The following WASHC5 variants were observed in gnomAD, a reference collection of about 807,000 sequenced individuals.
WASHC5 encodes the protein WASH complex subunit 5, also known as WASH complex subunit strumpellin.
WASHC5 carries 101 observed loss-of-function variants against 150.4 expected under a neutral mutation model. The ratio of observed to expected loss-of-function variants is 0.67; its 90% confidence interval spans 0.57 to 0.79. The LOEUF is 0.79. Among genes scored for constraint, WASHC5 ranks in the 30% least tolerant of loss-of-function variants. WASHC5 has a pLI of 0.00. For missense variants in WASHC5, 1,195 were observed against 1,396.3 expected, an observed-to-expected ratio of 0.86 and a Z score of 2.30; for synonymous variants, 467 against 491.2, an observed-to-expected ratio of 0.95 and a Z score of 0.65.
intron 9 of WASHC5, among the ~76,000 whole-genome samples, chr8:125,071,666 A>T (rs1195679566): frequency 6.6e-6 from 1 of 152,140 alleles, no homozygotes; most frequent in East Asian, 1.9e-4. Flanking sequence ...TCTGAACTCA[A>T]ATCACACCAA....
chr8:125,079,135 T>TATATATATATACAC (rs35442808), intron 5 of WASHC5, among the ~76,000 whole-genome samples: 2 of 117,486 alleles, frequency 1.7e-5, no homozygotes, highest in East Asian at 2.5e-4. Flanking sequence ...TATATATATA[T>TATATATATATACAC]ATATACATTT....
At chr8:125,082,652 A>T (rs1332347841) in intron 3 of WASHC5, among the ~76,000 whole-genome samples, 185 bp from the exon 4 acceptor site, 1 of 152,194 alleles carries the variant, frequency 6.6e-6, no homozygotes, top group African/African-American at 2.4e-5. Flanking sequence ...TTTGATATTT[A>T]TCGCTGTTCC....
intron 23 of WASHC5, among the ~76,000 whole-genome samples, chr8:125,042,636 C>T (rs1313682461): frequency 2.6e-5 from 4 of 152,188 alleles, no homozygotes; most frequent in Non-Finnish European, 5.9e-5. Context: ...GGAAGAATCC[C>T]TGTAATCCCC....
At chr8:125,047,420 G>A in intron 19 of WASHC5, 89 bp from the exon 20 acceptor site, 1 of 1,315,590 alleles carries the variant, frequency 7.6e-7, no homozygotes, top group Non-Finnish European at 1.1e-6. Context: ...AGATAATATT[G>A]CATAAAGAGT....
chr8:125,059,961 AAAC>A (rs1816542345), intron 12 of WASHC5, among the ~76,000 whole-genome samples: 2 of 152,228 alleles, frequency 1.3e-5, no homozygotes, highest in African/African-American at 4.8e-5. Context: ...AAAAAAATCC[AAAC>A]AAGCAAAGTA....
chr8:125,072,990 A>C (rs953853417), intron 9 of WASHC5, among the ~76,000 whole-genome samples, 163 bp downstream of exon 9: 1 of 152,214 alleles, frequency 6.6e-6, no homozygotes, highest in Non-Finnish European at 1.5e-5. Context: ...CAGGTATGCT[A>C]GTGGCCTATC....
chr8:125,036,394 G>T (rs1815706207), intron 26 of WASHC5, among the ~76,000 whole-genome samples: 1 of 152,224 alleles, frequency 6.6e-6, no homozygotes, highest in South Asian at 2.1e-4. Flanking sequence ...GTCTAGGGCT[G>T]GGCACAATGG....
At chr8:125,040,021 T>G in intron 23 of WASHC5, 123 bp from the exon 24 acceptor site, 1 of 714,818 alleles carries the variant, frequency 1.4e-6, no homozygotes, top group Admixed American at 2.0e-5. Flanking sequence ...GGAAAAAAAA[T>G]AAGGATTTCC....
chr8:125,067,720 C>T lies in WASHC5; in HGVS notation c.1151-1G>A, dbSNP rs1173003114. ...AGGCGTTTGTTGTTTGGGTCACAGG[C>T]TAGAAACAGGAAAAGTGTTACCTGC... is the stretch of plus-strand genomic sequence containing the variant. On this transcript the variant is annotated splice_acceptor_variant, in intron 9 of 28. Coordinates refer to ENST00000318410, the MANE Select transcript of WASHC5 (RefSeq NM_014846.4). LOFTEE classifies it high-confidence loss of function. The T allele has an allele frequency of 6.2e-7, 1 of 1,613,172 alleles. No individual in the cohort carries two copies. The highest frequency in any genetic ancestry group is 1.3e-5 in the African/African-American group (1 of 74,804).
chr8:125,055,585 T>C lies in WASHC5; in HGVS notation c.2097+6A>G, dbSNP rs1816381409. On this transcript the variant is annotated splice_donor_region_variant and intron_variant, in intron 17 of 28. Coordinates refer to ENST00000318410, the MANE Select transcript of WASHC5 (RefSeq NM_014846.4). ...GCGAGGCCACGCAGACTAACAAAAC[T>C]GTTACCTTGATGATGCCAACCAAAG... is the stretch of plus-strand genomic sequence containing the variant. 3 of 1,587,348 alleles carry C rather than the reference T, an allele frequency of 1.9e-6. No individual in the cohort carries two copies. Among genetic ancestry groups the C allele is most frequent in the African/African-American group, 1.3e-5 (1 of 74,346 alleles).
At chr8:125,069,721 A>C (rs920761134) in intron 9 of WASHC5, among the ~76,000 whole-genome samples, 2 of 152,232 alleles carry the variant, frequency 1.3e-5, no homozygotes, top group African/African-American at 4.8e-5. Flanking sequence ...CTGATTTTTC[A>C]TGAATTTGCC....
Position 125,037,246 on chromosome 8 carries a change from T to G in WASHC5, c.3172A>C (p.Lys1058Gln). The G allele has an allele frequency of 6.3e-7, 1 of 1,584,762 alleles. No homozygotes were observed. Among genetic ancestry groups the G allele is most frequent in the South Asian group, 1.1e-5 (1 of 90,468 alleles). ...IAQLPKLQYN[K>Q]NLGMVCRKPT... ...TAAATGTTATACGTACCCAGATTTT[T>G]GTTGTATTGAAGTTTTGGCAACTGA... Residue 1058 changes from lysine to glutamine, a missense_variant, in exon 26 of 29, where the codon AAA becomes CAA. Around this residue, in one of 3 missense-constraint regions of WASHC5, gnomAD observed 997 missense variants for 1,168.1 expected, o/e 0.85. Transcript: ENST00000318410.
rs747353165 is a variant in WASHC5 at position 125,082,412 on chromosome 8, GCA to G, written c.386_387del (p.Val129AlafsTer4). The G allele has an allele frequency of 6.3e-6, 10 of 1,590,028 alleles. No individual in the cohort carries two copies. The highest frequency in any genetic ancestry group is 2.2e-5 in the East Asian group (1 of 44,642). On this transcript the variant is annotated frameshift_variant, in exon 4 of 29. Transcript: ENST00000318410. LOFTEE classifies it high-confidence loss of function. ...GVYIQQTLET[V>X]LLNEDGKQLL... is the part of the protein sequence containing the mutation. ...AGTTGTTTTCCATCTTCATTGAGAAGCACAGTTTCTAAGGTTTGCTGAATATA... is the reference window on the plus strand; with the variant it reads ...AGTTGTTTTCCATCTTCATTGAGAAGCAGTTTCTAAGGTTTGCTGAATATA...
intron 26 of WASHC5, chr8:125,032,697 A>G (rs1815577202): frequency 1.0e-5 from 4 of 386,344 alleles, no homozygotes; most frequent in South Asian, 6.9e-5. Flanking sequence ...ATACAGATAA[A>G]TGTAAATGAG....
chr8:125,071,658 T>G (rs1816899288), intron 9 of WASHC5, among the ~76,000 whole-genome samples: 1 of 152,216 alleles, frequency 6.6e-6, no homozygotes, highest in African/African-American at 2.4e-5. Flanking sequence ...CTCTCTACTC[T>G]GAACTCAAAT....
At chr8:125,053,236 G>C (rs1816301088) in intron 17 of WASHC5, among the ~76,000 whole-genome samples, 1 of 151,812 alleles carries the variant, frequency 6.6e-6, no homozygotes, top group Non-Finnish European at 1.5e-5. Flanking sequence ...TCAACACTCT[G>C]AGGTTAAAGA....
At chr8:125,068,394 C>T (rs74410455) in intron 9 of WASHC5, among the ~76,000 whole-genome samples, 1,944 of 152,302 alleles carry the variant, frequency 0.013, 53 homozygotes, top group African/African-American at 0.045. Flanking sequence ...GACAACACTT[C>T]ATATGCATTG....
intron 19 of WASHC5, 58 bp from the exon 20 acceptor site, chr8:125,047,389 CT>C: frequency 6.6e-7 from 1 of 1,518,848 alleles, no homozygotes; most frequent in Non-Finnish European, 9.1e-7. Context: ...CTAGTTATCC[CT>C]TTTCCATATA....
rs57043871 is a variant in WASHC5, at chr8:125,079,116, GTATA to G, written c.519-190_519-187del. Among the ~76,000 whole-genome samples the G allele has an allele frequency of 0.056, 5,435 of 97,922 alleles. 234 individuals carry two copies. The highest frequency in any genetic ancestry group is 0.12 in the Middle Eastern group (19 of 160). 64.2% of individuals were successfully genotyped at this position (97,922 alleles called of 152,430 possible). A position where few individuals can be genotyped will look rare whatever the true frequency, so the allele number is the denominator to read the frequency against. On this transcript the variant is annotated intron_variant, in intron 5 of 28. Transcript: ENST00000318410. ...TGTGTATATATATGTGTGTGTGTGT[GTATA>G]TATATATATATATATATATACATTT... is the stretch of plus-strand genomic sequence containing the variant.
Sources: allele counts gnomAD v4.1 joint callset (sites outside exome capture counted in the v4.1 genomes callset), GRCh38; gene constraint gnomAD v4.1.1; regional missense constraint gnomAD v4.1.1; transcripts MANE v1.5; gene names NCBI Gene and HGNC (gene_info 2026-07-23, HGNC 2026-07-21).